Variants in ASXL3 observed in about 807,000 individuals in gnomAD.
The protein encoded by ASXL3 is ASXL transcriptional regulator 3, also known as putative Polycomb group protein ASXL3.
ASXL3 carries 34 observed loss-of-function variants against 170.6 expected under a neutral mutation model. That is an observed-to-expected ratio of 0.20 (90% CI 0.15 to 0.27). The LOEUF (loss-of-function observed/expected upper bound fraction) is 0.27. ASXL3 is among the 10% of genes least tolerant of loss of function. The pLI is 1.00. For missense variants in ASXL3, 2,592 were observed against 2,695.3 expected, an observed-to-expected ratio of 0.96 and a Z score of 0.85; for synonymous variants, 1,002 against 989.1, an observed-to-expected ratio of 1.01 and a Z score of -0.24.
At chr18:33,660,560 C>A (rs2066156235) in intron 4 of ASXL3, among the ~76,000 whole-genome samples, 1 of 152,154 alleles carries the variant, frequency 6.6e-6, no homozygotes, top group South Asian at 2.1e-4. Flanking sequence ...TTAGCATTAA[C>A]CCTGGTGCCC....
chr18:33,656,148 A>G (rs1393101112), intron 4 of ASXL3, among the ~76,000 whole-genome samples: 6 of 152,166 alleles, frequency 3.9e-5, no homozygotes, highest in Middle Eastern at 6.8e-3. Context: ...ACTTCTAACA[A>G]TGTACCACAG....
intron 2 of ASXL3, among the ~76,000 whole-genome samples, chr18:33,628,246 T>G (rs1172635339): frequency 6.6e-6 from 1 of 152,098 alleles, no homozygotes. Flanking sequence ...AGATCTATTA[T>G]TTGGCCTCGG....
At chr18:33,602,108 T>C (rs2065189642) in intron 1 of ASXL3, among the ~76,000 whole-genome samples, 1 of 151,820 alleles carries the variant, frequency 6.6e-6, no homozygotes, top group Non-Finnish European at 1.5e-5. Flanking sequence ...GGGCTGATTG[T>C]TCTTAAGTGT....
chr18:33,732,086 TTA>T lies in ASXL3; in HGVS notation c.976+24_976+25del, dbSNP rs778378012. 3 of 1,585,006 alleles carry T rather than the reference TTA, an allele frequency of 1.9e-6. No individual in the cohort carries two copies. In the Admixed American group the frequency reaches 5.1e-5, roughly 27 times the overall value. On this transcript the variant is annotated intron_variant, in intron 9 of 11. Coordinates refer to ENST00000269197, the MANE Select transcript of ASXL3 (RefSeq NM_030632.3). Reference sequence around the variant, plus strand: ...GAAGGTAAATTTGTATTTTCTATTATTATGTGACATATTGGAGTACACATACC... The same window carrying T: ...GAAGGTAAATTTGTATTTTCTATTATTGTGACATATTGGAGTACACATACC...
At chr18:33,696,816 C>G (rs1015919206) in intron 8 of ASXL3, among the ~76,000 whole-genome samples, 1 of 152,134 alleles carries the variant, frequency 6.6e-6, no homozygotes, top group African/African-American at 2.4e-5. Flanking sequence ...AACTGACCTG[C>G]TAGCCAAAGG....
intron 8 of ASXL3, among the ~76,000 whole-genome samples, chr18:33,686,844 A>G (rs2145293839): frequency 6.6e-6 from 1 of 152,340 alleles, no homozygotes; most frequent in South Asian, 2.1e-4. Context: ...GAAGAAGGGA[A>G]GAGAATCCAA....
chr18:33,671,058 T>TTTG (rs920701594), intron 6 of ASXL3, among the ~76,000 whole-genome samples: 1 of 152,012 alleles, frequency 6.6e-6, no homozygotes, highest in Non-Finnish European at 1.5e-5. Context: ...GTAGGCGAAT[T>TTTG]TTGTTGTTGT....
At chr18:33,632,106 T>G (rs2065686829) in intron 2 of ASXL3, among the ~76,000 whole-genome samples, 1 of 152,098 alleles carries the variant, frequency 6.6e-6, no homozygotes. Flanking sequence ...AAAGAAATGG[T>G]TCCTTCTGGC....
At chr18:33,664,467 C>T (rs1452677581) in intron 5 of ASXL3, among the ~76,000 whole-genome samples, 1 of 152,146 alleles carries the variant, frequency 6.6e-6, no homozygotes. Context: ...ACTGATAACA[C>T]ACACTCAAAT....
intron 4 of ASXL3, among the ~76,000 whole-genome samples, chr18:33,659,159 C>T (rs2066131632): frequency 6.6e-6 from 1 of 151,946 alleles, no homozygotes. Flanking sequence ...TTTTCTTATT[C>T]AGAAAATAGG....
At chr18:33,616,183 T>C (rs1431204504) in intron 2 of ASXL3, among the ~76,000 whole-genome samples, 1 of 152,136 alleles carries the variant, frequency 6.6e-6, no homozygotes, top group Non-Finnish European at 1.5e-5. Context: ...AAAATCATTA[T>C]GTGAAATGTT....
At chr18:33,615,401 C>T (rs2065406866) in intron 2 of ASXL3, among the ~76,000 whole-genome samples, 1 of 151,956 alleles carries the variant, frequency 6.6e-6, no homozygotes, top group Non-Finnish European at 1.5e-5. Flanking sequence ...TCATGACACC[C>T]CAAACAATTA....
intron 8 of ASXL3, among the ~76,000 whole-genome samples, chr18:33,691,775 G>A (rs893005545): frequency 6.6e-6 from 1 of 152,128 alleles, no homozygotes; most frequent in Non-Finnish European, 1.5e-5. Context: ...AAGGGGAGGT[G>A]TCATTTGGGC....
chr18:33,707,779 T>A (rs1393838535), intron 8 of ASXL3, among the ~76,000 whole-genome samples: 1 of 152,070 alleles, frequency 6.6e-6, no homozygotes, highest in Admixed American at 6.6e-5. Flanking sequence ...ATTTCATCTT[T>A]ATGCAGGATG....
At chr18:33,654,290 T>G (rs915388067) in intron 4 of ASXL3, among the ~76,000 whole-genome samples, 5 of 152,036 alleles carry the variant, frequency 3.3e-5, no homozygotes, top group Non-Finnish European at 5.9e-5. Context: ...ATTCCCTCAA[T>G]TACACATCTT....
intron 4 of ASXL3, among the ~76,000 whole-genome samples, chr18:33,648,555 T>G (rs2065950589): frequency 7.2e-5 from 11 of 152,108 alleles, no homozygotes; most frequent in Admixed American, 7.2e-4. Flanking sequence ...TAGGTGGACA[T>G]GTTAAATAAC....
intron 8 of ASXL3, among the ~76,000 whole-genome samples, chr18:33,723,992 T>C (rs1307485763): frequency 6.6e-6 from 1 of 152,176 alleles, no homozygotes; most frequent in Non-Finnish European, 1.5e-5. Flanking sequence ...GGTATGTAAA[T>C]TGATTTTTAG....
At chr18:33,647,432 T>G (rs2065932496) in intron 4 of ASXL3, among the ~76,000 whole-genome samples, 1 of 152,074 alleles carries the variant, frequency 6.6e-6, no homozygotes, top group African/African-American at 2.4e-5. Flanking sequence ...TTCATGTGAC[T>G]TGTTGTCCCT....
intron 7 of ASXL3, among the ~76,000 whole-genome samples, chr18:33,675,790 G>A (rs1013284472): frequency 7.2e-5 from 11 of 152,102 alleles, no homozygotes; most frequent in African/African-American, 2.7e-4. Flanking sequence ...CAGTACAGGA[G>A]GCACCATGGA....
Sources: allele counts gnomAD v4.1 joint callset (sites outside exome capture counted in the v4.1 genomes callset), GRCh38; gene constraint gnomAD v4.1.1; transcripts MANE v1.5; gene names NCBI Gene and HGNC (gene_info 2026-07-23, HGNC 2026-07-21).